The following MDM4 variants were observed in gnomAD, a reference collection of about 807,000 sequenced individuals.
The protein encoded by MDM4 is MDM4 regulator of p53, also known as protein Mdm4.
In MDM4, 2 loss-of-function variants were observed where a neutral mutation model predicts 60.2. The ratio of observed to expected loss-of-function variants is 0.03; its 90% confidence interval spans 0.01 to 0.10. The LOEUF (loss-of-function observed/expected upper bound fraction) is 0.10. Among genes scored for constraint, MDM4 ranks in the 10% least tolerant of loss-of-function variants. MDM4 has a pLI of 1.00. For synonymous variants in MDM4, 202 were observed against 198.1 expected, an observed-to-expected ratio of 1.02 and a Z score of -0.17; for missense variants, 447 against 577.5, an observed-to-expected ratio of 0.77 and a Z score of 2.32.
chr1:204,538,345 T>C (rs770070274), intron 7 of MDM4, 37 bp downstream of exon 7: 9 of 1,056,434 alleles, frequency 8.5e-6, no homozygotes, highest in Admixed American at 1.9e-5. Flanking sequence ...ACTTTTGTTC[T>C]CTTCCTCTTC....
intron 7 of MDM4, among the ~76,000 whole-genome samples, chr1:204,539,346 G>C (rs1270364882): frequency 5.9e-5 from 9 of 152,068 alleles, no homozygotes; most frequent in African/African-American, 2.2e-4. Context: ...ACAAAGCCAA[G>C]AATGAGATAT....
chr1:204,524,140 TA>T (rs1022724518), intron 1 of MDM4, among the ~76,000 whole-genome samples: 1 of 152,194 alleles, frequency 6.6e-6, no homozygotes, highest in Non-Finnish European at 1.5e-5. Context: ...ATGAGGAAGT[TA>T]AACTTTTAAA....
chr1:204,541,401 A>G (rs1662065758), intron 7 of MDM4, among the ~76,000 whole-genome samples: 1 of 152,144 alleles, frequency 6.6e-6, no homozygotes, highest in Non-Finnish European at 1.5e-5. Flanking sequence ...CAAGAGGTGG[A>G]GATTGCAGTG....
In MDM4 at chr1:204,555,177, C is replaced by T. The variant is rs150752795; in HGVS notation, c.*5495C>T. On this transcript the variant is annotated 3_prime_UTR_variant, in exon 11 of 11. Transcript: ENST00000367182. ...CCATTTCTTTTTTTTTTTTTTTAGA[C>T]GGAGTCTCTCTCTGTCGCCCCGGCT... 117 of 176,884 alleles carry T rather than the reference C, an allele frequency of 6.6e-4. No individual in the cohort carries two copies. The highest frequency in any genetic ancestry group is 2.3e-3 in the African/African-American group (95 of 40,778). The allele number at this position is 176,884 out of a possible 1,614,324, so 11.0% of individuals were successfully genotyped here.
At chr1:204,548,149 A>G (rs1572525410) in intron 10 of MDM4, among the ~76,000 whole-genome samples, 4 of 152,376 alleles carry the variant, frequency 2.6e-5, no homozygotes, top group African/African-American at 9.6e-5. Context: ...ATGTCCTACT[A>G]AGAAAAAGTG....
Position 204,532,195 on chromosome 1 carries a change from C to G in MDM4, c.292C>G (p.Leu98Val). The G allele has an allele frequency of 6.3e-7, 1 of 1,595,124 alleles. No individual in the cohort carries two copies. ...TTTATCTTCTCTCTTTAACAGCCCT[C>G]TCTATGATATGCTAAGAAAGAATCT... is the stretch of plus-strand genomic sequence containing the variant. ...QSFSVKDPSP[L>V]YDMLRKNLVT... is the part of the protein sequence containing the mutation. Residue 98 changes from leucine to valine, a missense_variant, in exon 5 of 11, where the codon CTC (leucine) becomes GTC (valine). By Grantham distance (32) the Leu-to-Val change is conservative. Coordinates refer to ENST00000367182, the MANE Select transcript of MDM4 (RefSeq NM_002393.5).
At chr1:204,529,322 C>T (rs563889526) in intron 3 of MDM4, 31 of 778,534 alleles carry the variant, frequency 4.0e-5, no homozygotes, top group East Asian at 3.7e-4. Context: ...TCAGAGTCAC[C>T]GACTGGAACC....
Position 204,538,982 on chromosome 1 carries a change from G to C in MDM4, c.511+674G>C, listed in dbSNP as rs527912890. Among the ~76,000 whole-genome samples, 3 of 150,110 alleles carry C rather than the reference G, an allele frequency of 2.0e-5. No homozygotes were observed. The South Asian group carries it at 6.3e-4, about 32-fold the overall frequency. ...CCTCCCAGGTTCAAGCCATTCTCCT[G>C]CCTCAGCCTCTGGAGTAGCTGGGAT... On this transcript the variant is annotated intron_variant, in intron 7 of 10. Coordinates refer to ENST00000367182, the MANE Select transcript of MDM4 (RefSeq NM_002393.5).
intron 1 of MDM4, among the ~76,000 whole-genome samples, chr1:204,523,189 TC>T (rs1468687720): frequency 2.0e-5 from 3 of 149,268 alleles, no homozygotes; most frequent in Non-Finnish European, 4.5e-5. Flanking sequence ...TTTTTTTTTG[TC>T]CAGACGTGGT....
intron 5 of MDM4, among the ~76,000 whole-genome samples, chr1:204,532,993 CAGT>C (rs1661025707): frequency 6.6e-6 from 1 of 152,218 alleles, no homozygotes; most frequent in Admixed American, 6.5e-5. Context: ...CTATTTTAGT[CAGT>C]CATGTTAATA....
chr1:204,535,587 G>A (rs1445925871), intron 5 of MDM4, among the ~76,000 whole-genome samples: 1 of 152,100 alleles, frequency 6.6e-6, no homozygotes, highest in African/African-American at 2.4e-5. Flanking sequence ...AGGCTGGAGT[G>A]CAGTGGTGCG....
chr1:204,544,906 C>T (rs1662497868), intron 9 of MDM4, among the ~76,000 whole-genome samples: 1 of 152,034 alleles, frequency 6.6e-6, no homozygotes, highest in Non-Finnish European at 1.5e-5. Flanking sequence ...TCTTTTTTCC[C>T]CTGATTATAG....
At chr1:204,532,366 A>G (rs1333011963) in intron 5 of MDM4, 120 bp downstream of exon 5, 3 of 699,058 alleles carry the variant, frequency 4.3e-6, no homozygotes. Context: ...GACTGGGAGA[A>G]ATACATACTA....
chr1:204,525,932 C>A (rs1443139261), intron 2 of MDM4, among the ~76,000 whole-genome samples: 1 of 151,766 alleles, frequency 6.6e-6, no homozygotes. Flanking sequence ...GAGAGTGAGA[C>A]CTTGTCTCTT....
In MDM4 at chr1:204,549,147, A is replaced by G. The variant is rs1662962097; in HGVS notation, c.938A>G (p.Asn313Ser). 6.2e-7 allele frequency: 1 copy of G among 1,612,186 alleles called. No homozygotes were observed. The stretch of plus-strand genomic sequence containing the variant: ...CAGTGTACTGAATGCAAGAAATTTA[A>G]CTCTCCAAGCAAGAGGTACTGTTTT... Reference protein sequence around the residue: ...EWQCTECKKFNSPSKRYCFRC... With the variant: ...EWQCTECKKFSSPSKRYCFRC... The change falls in exon 11 of 11, where the codon AAC (asparagine) becomes AGC (serine). Residue 313 changes from asparagine (N) to serine (S), a missense_variant. By Grantham distance (46) the Asn-to-Ser change is conservative. Around this residue, in one of 8 missense-constraint regions of MDM4, gnomAD observed 21 missense variants for 46.7 expected, o/e 0.45. Transcript: ENST00000367182.
At chr1:204,536,935 A>C in intron 5 of MDM4, 1 of 410,118 alleles carries the variant, frequency 2.4e-6, no homozygotes, top group South Asian at 1.9e-5. Flanking sequence ...CTTTAGATGA[A>C]GATGCTATTG....
intron 1 of MDM4, among the ~76,000 whole-genome samples, chr1:204,523,208 G>T (rs898652012): frequency 9.4e-5 from 14 of 148,748 alleles, no homozygotes; most frequent in Admixed American, 2.0e-4. Flanking sequence ...GGTGGCTCAT[G>T]CCTGTAATCC....
At chr1:204,540,564 A>G (rs2102408933) in intron 7 of MDM4, among the ~76,000 whole-genome samples, 1 of 151,956 alleles carries the variant, frequency 6.6e-6, no homozygotes, top group Non-Finnish European at 1.5e-5. Context: ...GGAGTTCGAG[A>G]CCAGCCTGGT....
intron 9 of MDM4, among the ~76,000 whole-genome samples, chr1:204,545,717 G>T (rs1558333784): frequency 6.6e-6 from 1 of 152,012 alleles, no homozygotes; most frequent in South Asian, 2.1e-4. Flanking sequence ...TTTTGAGATG[G>T]GATCTCACTG....
Sources: allele counts gnomAD v4.1 joint callset (sites outside exome capture counted in the v4.1 genomes callset), GRCh38; gene constraint gnomAD v4.1.1; regional missense constraint gnomAD v4.1.1; transcripts MANE v1.5; gene names NCBI Gene and HGNC (gene_info 2026-07-23, HGNC 2026-07-21).